Variants in MCF2L observed in about 807,000 individuals in gnomAD.
The protein encoded by MCF2L is guanine nucleotide exchange factor DBS.
MCF2L carries 97 observed loss-of-function variants against 153.4 expected under a neutral mutation model. The observed-to-expected ratio is 0.63, with a 90% CI of 0.54 to 0.75. The LOEUF (loss-of-function observed/expected upper bound fraction) is 0.75. Among genes scored for constraint, MCF2L ranks in the 30% least tolerant of loss-of-function variants. The pLI is 0.00. For synonymous variants in MCF2L, 659 were observed against 632.2 expected, an observed-to-expected ratio of 1.04 and a Z score of -0.64; for missense variants, 1,347 against 1,495.2, an observed-to-expected ratio of 0.90 and a Z score of 1.64.
At chr13:113,095,422 G>A in intron 27 of MCF2L, 1 of 1,089,340 alleles carries the variant, frequency 9.2e-7, no homozygotes. Context: ...CACAGAGGCG[G>A]AGGCCACGTG....
intron 1 of MCF2L, among the ~76,000 whole-genome samples, chr13:112,973,731 G>T (rs955801185): frequency 6.6e-6 from 1 of 152,238 alleles, no homozygotes; most frequent in African/African-American, 2.4e-5. Context: ...ACACTGGGGG[G>T]CCGGCCCTGT....
intron 21 of MCF2L, 89 bp downstream of exon 21, chr13:113,086,338 G>A (rs550167749): frequency 2.2e-5 from 34 of 1,548,012 alleles, no homozygotes; most frequent in South Asian, 1.3e-4. Flanking sequence ...CACGCCCCTC[G>A]CTTTGGTGTG....
chr13:112,934,258 C>G (rs2081491814), intron 2 of MCF2L, among the ~76,000 whole-genome samples: 1 of 152,212 alleles, frequency 6.6e-6, no homozygotes, highest in Non-Finnish European at 1.5e-5. Flanking sequence ...GCAGGGCACA[C>G]GTCCTTCCCA....
At chr13:112,985,598 A>C (rs2082605909) in intron 1 of MCF2L, 1 of 389,074 alleles carries the variant, frequency 2.6e-6, no homozygotes, top group Admixed American at 2.8e-5. Flanking sequence ...TCCACAGGGC[A>C]GTCTGTGTCC....
At chr13:113,055,210 A>G (rs531952667) in intron 4 of MCF2L, among the ~76,000 whole-genome samples, 10 of 152,244 alleles carry the variant, frequency 6.6e-5, no homozygotes, top group African/African-American at 2.4e-4. Flanking sequence ...TATTTAATAT[A>G]ATGATCCAAT....
At chr13:113,051,662 G>A (rs567309918) in intron 4 of MCF2L, among the ~76,000 whole-genome samples, 2 of 152,312 alleles carry the variant, frequency 1.3e-5, no homozygotes, top group African/African-American at 2.4e-5. Context: ...GTCTTAGTCC[G>A]GGTCTGCTGC....
At chr13:113,036,048 C>G (rs1325472243) in intron 3 of MCF2L, among the ~76,000 whole-genome samples, 1 of 152,142 alleles carries the variant, frequency 6.6e-6, no homozygotes, top group African/African-American at 2.4e-5. Context: ...TTTTGCATCA[C>G]AAACAACACT....
chr13:112,966,360 T>C (rs1346776467), upstream of MCF2L, among the ~76,000 whole-genome samples: 1 of 152,178 alleles, frequency 6.6e-6, no homozygotes, highest in African/African-American at 2.4e-5. The surrounding 1 kb of genome is among the most constrained non-coding windows in gnomAD (Gnocchi z 4.1). Flanking sequence ...GTCCAGGCTG[T>C]CTGGGAGCAG....
At chr13:112,974,893 C>T (rs188567441) in intron 1 of MCF2L, among the ~76,000 whole-genome samples, 140 of 152,316 alleles carry the variant, frequency 9.2e-4, no homozygotes, top group African/African-American at 3.3e-3. Context: ...GCTGGTTCTG[C>T]AGCCTAATTA....
rs996735928 is a variant in MCF2L at position 112,943,834 on chromosome 13, G to C, written c.169+41463G>C. On this transcript the variant is annotated intron_variant, in intron 2 of 29. Coordinates refer to the MCF2L transcript ENST00000375608. The surrounding 1 kb of genome is among the most constrained non-coding windows in gnomAD (Gnocchi z 4.2). ...GACCTGGCGGGAGGCGTAGTAGGCG[G>C]GGTGAGGGGATCTCGGTGGCAGCGG... is the stretch of plus-strand genomic sequence containing the variant. 2.0e-5 allele frequency among the ~76,000 whole-genome samples: 3 copies of C among 152,142 alleles called. No homozygotes were observed. Among genetic ancestry groups the C allele is most frequent in the Admixed American group, 2.0e-4 (3 of 15,290 alleles).
At chr13:113,085,603 C>T (rs548266093) in intron 20 of MCF2L, among the ~76,000 whole-genome samples, 1 of 152,164 alleles carries the variant, frequency 6.6e-6, no homozygotes, top group South Asian at 2.1e-4. Context: ...GTTAGGGTGG[C>T]GAGAGGAAAC....
At chr13:113,049,884 T>G (rs2087098456) in intron 4 of MCF2L, among the ~76,000 whole-genome samples, 1 of 152,258 alleles carries the variant, frequency 6.6e-6, no homozygotes, top group South Asian at 2.1e-4. Context: ...GCCTTCAGCA[T>G]GGCTTGGAAT....
intron 3 of MCF2L, among the ~76,000 whole-genome samples, chr13:113,037,677 G>A (rs900443822): frequency 6.6e-6 from 1 of 152,190 alleles, no homozygotes; most frequent in Non-Finnish European, 1.5e-5. Context: ...GGCTGCAGAG[G>A]CAGCCAGGAC....
At chr13:113,030,216 G>A (rs999481983) in intron 3 of MCF2L, among the ~76,000 whole-genome samples, 5 of 152,004 alleles carry the variant, frequency 3.3e-5, no homozygotes, top group South Asian at 2.1e-4. Context: ...GTCTGCCGAC[G>A]CCCGGTGTGG....
chr13:113,073,619 T>C (rs994080543), intron 9 of MCF2L, among the ~76,000 whole-genome samples: 2 of 152,224 alleles, frequency 1.3e-5, no homozygotes, highest in Non-Finnish European at 2.9e-5. Context: ...AGTGGTCATA[T>C]GTTTTAAAAA....
intron 1 of MCF2L, among the ~76,000 whole-genome samples, chr13:113,007,043 G>A (rs1432097267): frequency 6.6e-6 from 1 of 152,208 alleles, no homozygotes; most frequent in Non-Finnish European, 1.5e-5. Flanking sequence ...CCGGCCTCCT[G>A]TGTCTCTCAG....
chr13:113,005,135 GA>G (rs2083602187), intron 1 of MCF2L, among the ~76,000 whole-genome samples: 1 of 152,250 alleles, frequency 6.6e-6, no homozygotes. Flanking sequence ...ACACACAATA[GA>G]GTGCTGCTGG....
chr13:113,091,104 T>C (rs2035167615), intron 26 of MCF2L: 1 of 1,302,750 alleles, frequency 7.7e-7, no homozygotes, highest in African/African-American at 1.5e-5. Flanking sequence ...TATTTCTGCC[T>C]CCTCCTCCTC....
chr13:113,046,579 T>C lies in MCF2L; in HGVS notation c.369+1218T>C. ...ATTCCTTTCCCCGCACATTGCCTCA[T>C]TCCTTCATCTTTTACAAGAATTAGA... On this transcript the variant is annotated intron_variant, in intron 4 of 29. Transcript: ENST00000535094. This position sits in a 1 kb window ranked among gnomAD's most constrained non-coding sequence, Gnocchi z 4.4. 1 of 533,308 alleles carries C rather than the reference T, an allele frequency of 1.9e-6. No homozygotes were observed. Among genetic ancestry groups the C allele is most frequent in the Middle Eastern group, 3.2e-4 (1 of 3,148 alleles). 33.0% of individuals were successfully genotyped at this position (533,308 alleles called of 1,614,324 possible).
Sources: allele counts gnomAD v4.1 joint callset (sites outside exome capture counted in the v4.1 genomes callset), GRCh38; gene constraint gnomAD v4.1.1; non-coding constraint Gnocchi (gnomAD v3.1); transcripts MANE v1.5; gene names NCBI Gene and HGNC (gene_info 2026-07-23, HGNC 2026-07-21).